GLIS1: variants seen among roughly 807,000 people sequenced by gnomAD.
GLIS1 encodes GLIS family zinc finger 1, also known as zinc finger protein GLIS1.
In GLIS1, 24 loss-of-function variants were observed where a neutral mutation model predicts 63.8. That is an observed-to-expected ratio of 0.38 (90% CI 0.27 to 0.53). The LOEUF (loss-of-function observed/expected upper bound fraction) is 0.53. GLIS1 is among the 20% of genes least tolerant of loss of function. The pLI is 0.85. For synonymous variants in GLIS1, 450 were observed against 482.5 expected (o/e 0.93, Z 0.88); for missense variants, 1,036 against 1,074.1 (o/e 0.96, Z 0.50).
intron 2 of GLIS1, among the ~76,000 whole-genome samples, chr1:53,674,128 T>C (rs368346473): frequency 7.2e-5 from 10 of 139,498 alleles, no homozygotes; most frequent in African/African-American, 2.4e-4. Context: ...GCCAAGATCA[T>C]GCCACTGCAC....
At chr1:53,681,953 G>A (rs1646279929) in intron 2 of GLIS1, among the ~76,000 whole-genome samples, 3 of 152,138 alleles carry the variant, frequency 2.0e-5, no homozygotes, top group South Asian at 2.1e-4. Context: ...GCTACACTCT[G>A]TGCTGAGTTT....
chr1:53,695,430 G>C (rs1646454655), intron 2 of GLIS1, among the ~76,000 whole-genome samples: 1 of 152,250 alleles, frequency 6.6e-6, no homozygotes, highest in Admixed American at 6.5e-5. Context: ...CTAACCAGAA[G>C]AAGGTGACAG....
chr1:53,608,038 T>C (rs1262830248), intron 2 of GLIS1, among the ~76,000 whole-genome samples: 5 of 150,116 alleles, frequency 3.3e-5, no homozygotes. Context: ...CATAGCACAC[T>C]GCAGCCTCAA....
intron 6 of GLIS1, among the ~76,000 whole-genome samples, chr1:53,521,977 G>A (rs1202757627): frequency 6.6e-6 from 1 of 152,264 alleles, no homozygotes; most frequent in Admixed American, 6.5e-5. Flanking sequence ...CAGCAGCTGA[G>A]AGTCAGCCCT....
At chr1:53,615,963 G>A (rs1645478264) in intron 2 of GLIS1, among the ~76,000 whole-genome samples, 1 of 152,160 alleles carries the variant, frequency 6.6e-6, no homozygotes, top group Non-Finnish European at 1.5e-5. Context: ...GCCCAGGCTG[G>A]TCTCGAATTC....
intron 2 of GLIS1, among the ~76,000 whole-genome samples, chr1:53,649,139 T>C (rs1645878807): frequency 1.3e-5 from 2 of 152,208 alleles, no homozygotes; most frequent in African/African-American, 4.8e-5. Context: ...AGGCATGACT[T>C]AAATGCATAA....
At chr1:53,603,126 C>T (rs1268425682) in intron 2 of GLIS1, among the ~76,000 whole-genome samples, 1 of 152,110 alleles carries the variant, frequency 6.6e-6, no homozygotes, top group Non-Finnish European at 1.5e-5. Context: ...CCTCTGGATA[C>T]AGTAAAAGGT....
Position 53,560,534 on chromosome 1 carries a change from A to G in GLIS1, c.1321-30582T>C, listed in dbSNP as rs2100437144. On this transcript the variant is annotated intron_variant, in intron 4 of 10. Transcript: ENST00000628545. This position sits in a 1 kb window ranked among gnomAD's most constrained non-coding sequence, Gnocchi z 4.4. ...AGTTAACCCTTCGTACCTTCCAGGG[A>G]GAGTGGAGGCTGTGGTCGGGAGGGC... 6.6e-6 allele frequency among the ~76,000 whole-genome samples: 1 copy of G among 152,258 alleles called. No homozygotes were observed. Among genetic ancestry groups the G allele is most frequent in the African/African-American group, 2.4e-5 (1 of 41,552 alleles).
rs140672363 is a variant in GLIS1 at position 53,646,095 on chromosome 1, G to A, written c.260-45817C>T. Among the ~76,000 whole-genome samples, 51 of 152,250 alleles carry A rather than the reference G, an allele frequency of 3.3e-4. No individual in the cohort carries two copies. The highest frequency in any genetic ancestry group is 1.1e-3 in the African/African-American group (45 of 41,540). Reference sequence around the variant, plus strand: ...TTTAAAAAGCAAATCTCAGTATACCGAATAAAGTTCAAAATCCACTAAAAT... The same window carrying A: ...TTTAAAAAGCAAATCTCAGTATACCAAATAAAGTTCAAAATCCACTAAAAT... On this transcript the variant is annotated intron_variant, in intron 2 of 10. Coordinates refer to ENST00000628545, the MANE Select transcript of GLIS1 (RefSeq NM_001367484.1). The surrounding 1 kb of genome is among the most constrained non-coding windows in gnomAD (Gnocchi z 4.2).
intron 2 of GLIS1, among the ~76,000 whole-genome samples, chr1:53,719,970 G>A (rs774533703): frequency 7.9e-5 from 12 of 152,156 alleles, no homozygotes; most frequent in Non-Finnish European, 1.3e-4. Context: ...GAGGTCAGGA[G>A]TTCGAGACTA....
intron 7 of GLIS1, among the ~76,000 whole-genome samples, chr1:53,517,691 G>A (rs1644366654): frequency 1.3e-5 from 2 of 152,158 alleles, no homozygotes; most frequent in Admixed American, 6.5e-5. Context: ...ACTTGAGGGA[G>A]CATCCTGCAA....
At chr1:53,597,527 A>G (rs1010171037) in intron 3 of GLIS1, among the ~76,000 whole-genome samples, 1 of 152,070 alleles carries the variant, frequency 6.6e-6, no homozygotes, top group Non-Finnish European at 1.5e-5. Flanking sequence ...CGAGGCTTTT[A>G]TTAGTATTAG....
In GLIS1 at chr1:53,598,837, C is replaced by T. The variant is rs193110267; in HGVS notation, c.437+1264G>A. Among the ~76,000 whole-genome samples the T allele has an allele frequency of 4.6e-3, 694 of 152,304 alleles. 2 individuals are homozygous for T. Among genetic ancestry groups the T allele is most frequent in the Middle Eastern group, 6.8e-3 (2 of 294 alleles). ...AAATTCTCAAAGGAAAATGGTTGCA[C>T]TTGGGAAGAACAGCATCCTTCTATT... On this transcript the variant is annotated intron_variant, in intron 3 of 10. Coordinates refer to ENST00000628545, the MANE Select transcript of GLIS1 (RefSeq NM_001367484.1). The surrounding 1 kb of genome is among the most constrained non-coding windows in gnomAD (Gnocchi z 4.6).
chr1:53,614,660 G>A (rs545744042), intron 2 of GLIS1, among the ~76,000 whole-genome samples: 17 of 152,174 alleles, frequency 1.1e-4, no homozygotes, highest in Non-Finnish European at 2.2e-4. Flanking sequence ...GGAGGTGGTG[G>A]CTTTGGGATT....
Position 53,737,996 on chromosome 1 carries a change from G to C in GLIS1, c.69C>G (p.Pro23=). Residue 23 remains proline, a synonymous_variant, in exon 2 of 11, where the codon CCC becomes CCG. Coordinates refer to ENST00000628545, the MANE Select transcript of GLIS1 (RefSeq NM_001367484.1). ...CGCCGAGGCTGGCGGGGCCGCGGTC[G>C]GGGCCGGGCGCACCAGGGGCCTCCT... ...RPKEAPGAPG[P]DRGPASLGAH... 8.9e-6 allele frequency: 11 copies of C among 1,230,532 alleles called. No homozygotes were observed. Among genetic ancestry groups the C allele is most frequent in the Non-Finnish European group, 1.1e-5 (11 of 987,170 alleles). 76.2% of individuals were successfully genotyped at this position (1,230,532 alleles called of 1,614,324 possible).
intron 2 of GLIS1, among the ~76,000 whole-genome samples, chr1:53,651,098 TA>T (rs1645902009): frequency 6.6e-6 from 1 of 152,168 alleles, no homozygotes; most frequent in Non-Finnish European, 1.5e-5. Flanking sequence ...AAATAAAAAT[TA>T]AAAAAAGTTT....
intron 2 of GLIS1, among the ~76,000 whole-genome samples, chr1:53,706,639 A>T (rs1646581917): frequency 6.6e-6 from 1 of 152,228 alleles, no homozygotes; most frequent in African/African-American, 2.4e-5. Context: ...ATCGGCCTTT[A>T]ATGTCTCACA....
chr1:53,704,815 G>A (rs908350493), intron 2 of GLIS1, among the ~76,000 whole-genome samples: 2 of 152,198 alleles, frequency 1.3e-5, no homozygotes, highest in Non-Finnish European at 1.5e-5. Context: ...GAGAGCAGAA[G>A]TTAAAGGAGA....
At chr1:53,608,408 G>A (rs1214522382) in intron 2 of GLIS1, among the ~76,000 whole-genome samples, 1 of 152,138 alleles carries the variant, frequency 6.6e-6, no homozygotes, top group African/African-American at 2.4e-5. Flanking sequence ...ATTTGAGAGG[G>A]GGACAGTAAT....
Sources: gnomAD v4.1 joint callset for allele counts (sites outside exome capture counted in the v4.1 genomes callset) on GRCh38, gnomAD v4.1.1 for gene constraint, Gnocchi (gnomAD v3.1) non-coding constraint, MANE v1.5 for transcripts, NCBI Gene and HGNC (gene_info 2026-07-23, HGNC 2026-07-21) for gene names.